HHIP: variants seen among roughly 807,000 people sequenced by gnomAD.
HHIP encodes the protein hedgehog interacting protein.
In HHIP, 12 loss-of-function variants were observed where a neutral mutation model predicts 74.0. That is an observed-to-expected ratio of 0.16 (90% CI 0.10 to 0.26). The LOEUF is 0.26. Ranked by LOEUF, HHIP falls within the 10% of genes least tolerant of loss-of-function variation. The pLI is 1.00. For missense variants in HHIP, 788 were observed against 845.0 expected (o/e 0.93, Z 0.84); for synonymous variants, 309 against 311.6 (o/e 0.99, Z 0.09).
chr4:144,666,650 C>T (rs952452746), intron 4 of HHIP, among the ~76,000 whole-genome samples: 1 of 152,132 alleles, frequency 6.6e-6, no homozygotes, highest in African/African-American at 2.4e-5. Context: ...TGCTATATGC[C>T]TCTAATGAGT....
intron 4 of HHIP, among the ~76,000 whole-genome samples, chr4:144,671,368 A>G (rs1451770637): frequency 1.3e-5 from 2 of 149,882 alleles, no homozygotes; most frequent in African/African-American, 2.5e-5. Context: ...GTTAATACAT[A>G]TAAGACTTCT....
intron 4 of HHIP, among the ~76,000 whole-genome samples, chr4:144,705,713 A>G (rs1371905030): frequency 6.6e-6 from 1 of 152,230 alleles, no homozygotes; most frequent in Admixed American, 6.5e-5. Flanking sequence ...GAACATGAAG[A>G]TGTTTTAATT....
At chr4:144,681,868 G>C (rs892409951) in intron 4 of HHIP, among the ~76,000 whole-genome samples, 1 of 152,224 alleles carries the variant, frequency 6.6e-6, no homozygotes. Flanking sequence ...GAAGATAGCT[G>C]TGGGCCACGT....
chr4:144,723,708 G>A (rs1266701468), intron 11 of HHIP, among the ~76,000 whole-genome samples: 3 of 152,142 alleles, frequency 2.0e-5, no homozygotes, highest in Non-Finnish European at 2.9e-5. Context: ...AATACAAACT[G>A]TTTAGCAGCT....
intron 4 of HHIP, among the ~76,000 whole-genome samples, chr4:144,696,619 A>C (rs908737560): frequency 6.6e-6 from 1 of 151,852 alleles, no homozygotes; most frequent in Admixed American, 6.6e-5. Flanking sequence ...AATAGTTCCC[A>C]TTGTGTGTCT....
At position 144,743,032 on chromosome 4, in the gene HHIP, TTA is replaced by T. The variant is rs570736447; in HGVS notation, c.*5089_*5090del. On this transcript the variant is annotated 3_prime_UTR_variant, in exon 13 of 13. Coordinates refer to ENST00000296575, the MANE Select transcript of HHIP (RefSeq NM_022475.3). ...ATATTATATATATATAATATATATC[TTA>T]TATATATATATATCTTAATACATAT... 4.0e-5 allele frequency: 5 copies of T among 125,682 alleles called. No individual in the cohort carries two copies. Among genetic ancestry groups the T allele is most frequent in the Non-Finnish European group, 8.5e-5 (5 of 59,018 alleles). 7.8% of individuals were successfully genotyped at this position (125,682 alleles called of 1,614,324 possible).
At chr4:144,710,939 T>TC (rs1320594156) in intron 7 of HHIP, among the ~76,000 whole-genome samples, 17 of 152,278 alleles carry the variant, frequency 1.1e-4, no homozygotes, top group African/African-American at 4.1e-4. Context: ...CAACCCAAGC[T>TC]CCTCATACCC....
chr4:144,667,169 C>T (rs1464902459), intron 4 of HHIP, among the ~76,000 whole-genome samples: 3 of 151,950 alleles, frequency 2.0e-5, no homozygotes, highest in Admixed American at 6.6e-5. Flanking sequence ...ATCAACATAG[C>T]GACACCCCAT....
intron 4 of HHIP, among the ~76,000 whole-genome samples, chr4:144,667,440 G>A (rs750506282): frequency 2.6e-5 from 4 of 152,120 alleles, no homozygotes; most frequent in South Asian, 2.1e-4. Flanking sequence ...AAAATAATAC[G>A]GCAGTCCCTT....
chr4:144,660,835 G>T (rs1728693861), intron 4 of HHIP, among the ~76,000 whole-genome samples: 1 of 152,012 alleles, frequency 6.6e-6, no homozygotes, highest in East Asian at 1.9e-4. Context: ...ACTTAATCTG[G>T]TCATGGATGA....
At chr4:144,677,677 A>G (rs1729207903) in intron 4 of HHIP, among the ~76,000 whole-genome samples, 1 of 152,192 alleles carries the variant, frequency 6.6e-6, no homozygotes. Context: ...TACAGAACAA[A>G]TAAGACCACT....
chr4:144,668,818 T>G (rs2126602964), intron 4 of HHIP, among the ~76,000 whole-genome samples: 1 of 152,176 alleles, frequency 6.6e-6, no homozygotes, highest in East Asian at 1.9e-4. Context: ...CTCTCAAACC[T>G]CAGGCTACAG....
intron 7 of HHIP, 91 bp downstream of exon 7, chr4:144,708,402 A>G: frequency 1.5e-6 from 2 of 1,341,768 alleles, no homozygotes; most frequent in Non-Finnish European, 2.1e-6. Flanking sequence ...ATACCATCAC[A>G]GAGCAGCCAA....
chr4:144,662,051 T>C (rs951992018), intron 4 of HHIP, among the ~76,000 whole-genome samples: 4 of 152,204 alleles, frequency 2.6e-5, no homozygotes, highest in Non-Finnish European at 5.9e-5. Context: ...CATTAATTGA[T>C]GACTAAGAGG....
chr4:144,680,574 T>C (rs1729306680), intron 4 of HHIP, among the ~76,000 whole-genome samples: 11 of 152,194 alleles, frequency 7.2e-5, no homozygotes, highest in Admixed American at 7.2e-4. Context: ...GTAAATGTCT[T>C]CCCTGTACTT....
Position 144,738,605 on chromosome 4 carries a change from A to G in HHIP, c.*648A>G. On this transcript the variant is annotated 3_prime_UTR_variant, in exon 13 of 13. Coordinates refer to ENST00000296575, the MANE Select transcript of HHIP (RefSeq NM_022475.3). ...TGTTTTATAATTAAATCATAATAGC[A>G]TATTTTAAAATCAATCTTCCTAAAA... 1.4e-6 allele frequency: 1 copy of G among 727,948 alleles called. No individual in the cohort carries two copies. Among genetic ancestry groups the G allele is most frequent in the African/African-American group, 1.9e-5 (1 of 52,186 alleles). 45.1% of individuals were successfully genotyped at this position (727,948 alleles called of 1,614,324 possible). A position where few individuals can be genotyped will look rare whatever the true frequency, so the allele number is the denominator to read the frequency against.
chr4:144,658,988 CA>C (rs779520093), intron 3 of HHIP, 42 bp downstream of exon 3: 51 of 1,513,550 alleles, frequency 3.4e-5, no homozygotes, highest in Non-Finnish European at 4.1e-5. Context: ...TAAAAAAACC[CA>C]ACTGACAAAT....
intron 4 of HHIP, among the ~76,000 whole-genome samples, chr4:144,685,915 T>A (rs1340866314): frequency 6.6e-6 from 1 of 152,206 alleles, no homozygotes; most frequent in Non-Finnish European, 1.5e-5. Flanking sequence ...ACCCAAAGTT[T>A]CCCGTAAAGT....
At chr4:144,671,040 C>A (rs533669679) in intron 4 of HHIP, among the ~76,000 whole-genome samples, 1 of 152,144 alleles carries the variant, frequency 6.6e-6, no homozygotes, top group South Asian at 2.1e-4. Flanking sequence ...GCCTGTGACC[C>A]GAGGTTGAAA....
Sources: gnomAD v4.1 joint callset for allele counts (sites outside exome capture counted in the v4.1 genomes callset) on GRCh38, gnomAD v4.1.1 for gene constraint, MANE v1.5 for transcripts, NCBI Gene and HGNC (gene_info 2026-07-23, HGNC 2026-07-21) for gene names.